The following SMYD3 variants were observed in gnomAD, a reference collection of about 807,000 sequenced individuals.
SMYD3 encodes histone-lysine N-methyltransferase SMYD3.
A neutral mutation model predicts 57.7 loss-of-function variants in SMYD3; 36 were observed. The observed-to-expected ratio is 0.62, with a 90% CI of 0.48 to 0.82. SMYD3 has a LOEUF of 0.82. Ranked by LOEUF, SMYD3 falls within the 40% of genes least tolerant of loss-of-function variation. SMYD3 has a pLI of 0.00. For synonymous variants in SMYD3, 211 were observed against 195.0 expected, an observed-to-expected ratio of 1.08 and a Z score of -0.68; for missense variants, 515 against 538.8, an observed-to-expected ratio of 0.96 and a Z score of 0.44.
At chr1:245,981,244 T>C (rs2058590313) in intron 5 of SMYD3, among the ~76,000 whole-genome samples, 1 of 152,238 alleles carries the variant, frequency 6.6e-6, no homozygotes, top group Non-Finnish European at 1.5e-5. Context: ...CACACAGTGC[T>C]AAGGGGATGC....
chr1:246,074,522 G>T (rs2147805234), intron 5 of SMYD3, among the ~76,000 whole-genome samples: 1 of 152,274 alleles, frequency 6.6e-6, no homozygotes, highest in Admixed American at 6.5e-5. Context: ...AGGTACTAGA[G>T]AGTGGCCAAA....
chr1:245,853,090 A>G (rs1375522750), intron 10 of SMYD3, among the ~76,000 whole-genome samples: 1 of 152,262 alleles, frequency 6.6e-6, no homozygotes, highest in African/African-American at 2.4e-5. Context: ...TTCATTTATC[A>G]GGTGAAATAA....
intron 1 of SMYD3, among the ~76,000 whole-genome samples, 181 bp downstream of exon 1, chr1:246,506,873 G>T (rs1428535936): frequency 1.6e-4 from 24 of 152,136 alleles, no homozygotes; most frequent in African/African-American, 5.8e-4. Context: ...GGGGGTGTCC[G>T]GGCGGGGCCT....
intron 10 of SMYD3, among the ~76,000 whole-genome samples, chr1:245,807,821 AAAAAAAC>A (rs1448608599): frequency 4.6e-5 from 7 of 151,942 alleles, no homozygotes; most frequent in East Asian, 1.9e-4. Flanking sequence ...GGGAAAAAAA[AAAAAAAC>A]AAAAAACAAA....
intron 8 of SMYD3, among the ~76,000 whole-genome samples, chr1:245,902,708 C>G (rs1282808096): frequency 6.6e-6 from 1 of 152,210 alleles, no homozygotes; most frequent in Non-Finnish European, 1.5e-5. Context: ...ACAATCACAG[C>G]CTAAGCCACT....
chr1:245,804,989 T>A (rs1359064176), intron 10 of SMYD3, among the ~76,000 whole-genome samples: 3 of 152,246 alleles, frequency 2.0e-5, no homozygotes, highest in Non-Finnish European at 2.9e-5. Flanking sequence ...AATGTTGAAC[T>A]GAATCACAAC....
chr1:246,502,240 T>C lies in SMYD3; in HGVS notation c.164+4814A>G, dbSNP rs535770431. Among the ~76,000 whole-genome samples the C allele has an allele frequency of 2.6e-5, 4 of 151,788 alleles. No homozygotes were observed. The South Asian group carries it at 6.3e-4, about 24-fold the overall frequency. Reference sequence around the variant, plus strand: ...TGCAACCTCCACCTCCTGGGCTCAATTGATTCTCCCACCTCAGCCTTCTGA... The same window carrying C: ...TGCAACCTCCACCTCCTGGGCTCAACTGATTCTCCCACCTCAGCCTTCTGA... On this transcript the variant is annotated intron_variant, in intron 1 of 11. Transcript: ENST00000490107.
At chr1:245,867,664 G>GTGCA (rs1268605416) in intron 8 of SMYD3, among the ~76,000 whole-genome samples, 42 of 122,202 alleles carry the variant, frequency 3.4e-4, no homozygotes, top group East Asian at 1.5e-3. Context: ...GTGTGCGTGC[G>GTGCA]CGCGCACACA....
intron 1 of SMYD3, among the ~76,000 whole-genome samples, chr1:246,358,626 C>T (rs753242843): frequency 1.5e-4 from 23 of 152,124 alleles, no homozygotes; most frequent in Non-Finnish European, 3.2e-4. Context: ...TCTCAGACCA[C>T]AGTGGAATAA....
intron 1 of SMYD3, among the ~76,000 whole-genome samples, chr1:246,463,812 G>C: frequency 7.6e-6 from 1 of 132,236 alleles, no homozygotes. Flanking sequence ...CTCCAGCCTG[G>C]GAGACGGCGA....
chr1:246,050,164 T>C (rs2060043605), intron 5 of SMYD3, among the ~76,000 whole-genome samples: 1 of 152,204 alleles, frequency 6.6e-6, no homozygotes, highest in Non-Finnish European at 1.5e-5. Flanking sequence ...TTAATTAGAC[T>C]CATAGTCTAG....
intron 5 of SMYD3, among the ~76,000 whole-genome samples, chr1:246,211,932 A>G (rs1397228693): frequency 6.6e-6 from 1 of 151,968 alleles, no homozygotes; most frequent in African/African-American, 2.4e-5. Flanking sequence ...AAAAAGTCAC[A>G]TAAATAAATA....
chr1:245,940,868 C>G (rs79844336), intron 5 of SMYD3, among the ~76,000 whole-genome samples: 1 of 152,194 alleles, frequency 6.6e-6, no homozygotes, highest in Non-Finnish European at 1.5e-5. Context: ...ACGAACTTCA[C>G]TGAGTTAAAG....
At chr1:246,271,273 T>C (rs975791377) in intron 5 of SMYD3, among the ~76,000 whole-genome samples, 1 of 152,204 alleles carries the variant, frequency 6.6e-6, no homozygotes, top group African/African-American at 2.4e-5. Context: ...TGATACTGTC[T>C]TTTGATGCAC....
At chr1:246,276,492 T>C (rs1447809611) in intron 5 of SMYD3, among the ~76,000 whole-genome samples, 1 of 151,340 alleles carries the variant, frequency 6.6e-6, no homozygotes, top group Non-Finnish European at 1.5e-5. Context: ...TGGAGTCTGA[T>C]GCCCATGTTT....
At chr1:246,306,266 G>A (rs767581442) in intron 5 of SMYD3, among the ~76,000 whole-genome samples, 5 of 151,856 alleles carry the variant, frequency 3.3e-5, no homozygotes, top group African/African-American at 7.3e-5. Context: ...AGAATCACTC[G>A]AGCCCAGGAG....
chr1:245,954,048 T>C (rs986897302), intron 5 of SMYD3, among the ~76,000 whole-genome samples: 27 of 152,254 alleles, frequency 1.8e-4, no homozygotes, highest in African/African-American at 6.3e-4. Flanking sequence ...GGAAGCAAAA[T>C]GAAACTAACA....
At chr1:246,245,304 G>A (rs2063684076) in intron 5 of SMYD3, among the ~76,000 whole-genome samples, 1 of 152,038 alleles carries the variant, frequency 6.6e-6, no homozygotes. Flanking sequence ...TTAGCTAAGT[G>A]TGGTGGCACA....
chr1:246,374,606 G>A (rs2066242842), intron 1 of SMYD3, among the ~76,000 whole-genome samples: 1 of 152,104 alleles, frequency 6.6e-6, no homozygotes, highest in Non-Finnish European at 1.5e-5. Context: ...GCATGTTTTA[G>A]ATAAGCTTCA....
Sources: allele counts gnomAD v4.1 joint callset (sites outside exome capture counted in the v4.1 genomes callset), GRCh38; gene constraint gnomAD v4.1.1; transcripts MANE v1.5; gene names NCBI Gene and HGNC (gene_info 2026-07-23, HGNC 2026-07-21).